Variants in MAGEC3 observed in about 807,000 individuals in gnomAD.
MAGEC3 encodes MAGE family member C3.
Under a neutral mutation model 35.3 loss-of-function variants are expected in MAGEC3, and 34 were observed. The observed-to-expected ratio is 0.96, with a 90% CI of 0.73 to 1.28. The LOEUF is 1.28. Ranked by LOEUF, MAGEC3 falls within the 50% of genes most tolerant of loss-of-function variation. The pLI, the probability that MAGEC3 is intolerant of heterozygous loss-of-function variation, is 0.00. For synonymous variants in MAGEC3, 202 were observed against 185.6 expected, an observed-to-expected ratio of 1.09 and a Z score of -0.72; for missense variants, 561 against 483.6, an observed-to-expected ratio of 1.16 and a Z score of -1.50.
chrX:141,841,287 T>C (rs779430215), intron 1 of MAGEC3, among the ~76,000 whole-genome samples: 23 of 111,848 alleles, frequency 2.1e-4, no homozygotes, highest in Admixed American at 1.6e-3. Context: ...TCCAAACAAA[T>C]TGCATCTTCT....
At chrX:141,861,004 T>C (rs112129298) in intron 1 of MAGEC3, among the ~76,000 whole-genome samples, 3,751 of 111,531 alleles carry the variant, frequency 0.034, 165 homozygotes, top group African/African-American at 0.12. Context: ...TTATATATAT[T>C]TCACCATAAT....
chrX:141,889,279 G>T (rs1481883503), intron 4 of MAGEC3, among the ~76,000 whole-genome samples: 1 of 111,533 alleles, frequency 9.0e-6, no homozygotes, highest in East Asian at 2.8e-4. Flanking sequence ...ATATGGTATT[G>T]TTTCTCCCAT....
At chrX:141,883,739 TA>T (rs2017982595) in intron 4 of MAGEC3, among the ~76,000 whole-genome samples, 1 of 113,067 alleles carries the variant, frequency 8.8e-6, no homozygotes, top group South Asian at 3.6e-4. Context: ...GTATATGAGA[TA>T]AAATTTTGGA....
chrX:141,897,122 C>T lies in MAGEC3; in HGVS notation c.1364C>T (p.Ala455Val), dbSNP rs1373460046. The T allele has an allele frequency of 1.7e-5, 20 of 1,209,914 alleles. No individual in the cohort carries two copies. The highest frequency in any genetic ancestry group is 2.1e-5 in the Non-Finnish European group (19 of 895,155). ...LPESESLPRY[A>V]LDEKVAELVQ... ...GAAAGTGAATCCTTGCCCAGGTATG[C>T]CCTGGATGAAAAGGTGGCTGAGTTG... Residue 455 changes from alanine (A) to valine (V), a missense_variant, in exon 7 of 8, where the codon GCC (alanine) becomes GTC (valine). Ala to Val is a moderately conservative substitution (Grantham distance 64, BLOSUM62 0). Coordinates refer to ENST00000298296, the MANE Select transcript of MAGEC3 (RefSeq NM_138702.1).
chrX:141,866,704 G>A (rs1404376815), intron 2 of MAGEC3, among the ~76,000 whole-genome samples: 2 of 112,190 alleles, frequency 1.8e-5, no homozygotes, highest in Admixed American at 1.9e-4. Context: ...TAAGTAAAAT[G>A]AAGTAACACA....
chrX:141,897,807 T>C lies in MAGEC3; in HGVS notation c.1907T>C (p.Met636Thr), dbSNP rs1188700315. 1.7e-6 allele frequency: 2 copies of C among 1,197,914 alleles called. No individual in the cohort carries two copies. Among genetic ancestry groups the C allele is most frequent in the South Asian group, 1.9e-5 (1 of 53,671 alleles). ...ATGGCCAGTGCAAGCCCCAGTGTCA[T>C]GTCCACCAACTTCTGTCCTGAGTGA... The part of the protein sequence containing the change: ...TAMASASPSV[M>T]STNFCPE Residue 636 changes from methionine to threonine, a missense_variant, in exon 8 of 8, where the codon ATG becomes ACG. Physicochemically the swap from Met to Thr is moderately conservative, Grantham distance 81 (BLOSUM62 -1). Transcript: ENST00000298296.
chrX:141,892,981 G>A (rs1262771672), intron 4 of MAGEC3, among the ~76,000 whole-genome samples: 1 of 112,128 alleles, frequency 8.9e-6, no homozygotes, highest in African/African-American at 3.2e-5. Flanking sequence ...TGCACAAAAC[G>A]CTGAAAACCC....
chrX:141,872,850 C>T (rs1027624578), intron 2 of MAGEC3, among the ~76,000 whole-genome samples: 1 of 111,855 alleles, frequency 8.9e-6, no homozygotes, highest in African/African-American at 3.3e-5. Context: ...GTTAGTTGTC[C>T]TCCTCACGCA....
At chrX:141,853,178 A>G (rs991362966) in intron 1 of MAGEC3, among the ~76,000 whole-genome samples, 1 of 111,503 alleles carries the variant, frequency 9.0e-6, no homozygotes, top group Admixed American at 9.6e-5. Flanking sequence ...GCCTTTTAAA[A>G]AGAGGGAAAC....
intron 2 of MAGEC3, among the ~76,000 whole-genome samples, chrX:141,875,964 C>G (rs940696944): frequency 3.6e-5 from 4 of 111,893 alleles, no homozygotes; most frequent in Non-Finnish European, 5.6e-5. Context: ...TGAGTTGATC[C>G]TGGCCATAGT....
intron 6 of MAGEC3, 162 bp from the exon 7 acceptor site, chrX:141,896,720 A>C (rs1232422574): frequency 2.7e-5 from 33 of 1,209,961 alleles, no homozygotes; most frequent in African/African-American, 3.5e-5. Flanking sequence ...AGTGTGACAG[A>C]GGACTTGGTA....
At chrX:141,851,783 A>C (rs1295300498) in intron 1 of MAGEC3, among the ~76,000 whole-genome samples, 1 of 111,391 alleles carries the variant, frequency 9.0e-6, no homozygotes, top group Admixed American at 9.6e-5. Context: ...GAACTCTTCT[A>C]TTCCATTGAT....
At chrX:141,895,682 C>T in intron 6 of MAGEC3, 123 bp downstream of exon 6, 1 of 469,856 alleles carries the variant, frequency 2.1e-6, no homozygotes, top group East Asian at 6.4e-5. Flanking sequence ...TAGAGCTCCT[C>T]AGTCAGCTCA....
At chrX:141,846,616 T>G (rs2017718410) in intron 1 of MAGEC3, among the ~76,000 whole-genome samples, 1 of 111,117 alleles carries the variant, frequency 9.0e-6, no homozygotes, top group African/African-American at 3.3e-5. Context: ...CCCCCCAAGA[T>G]GGTAACAAAA....
chrX:141,845,882 T>G (rs897063756), intron 1 of MAGEC3, among the ~76,000 whole-genome samples: 4 of 111,027 alleles, frequency 3.6e-5, no homozygotes, highest in African/African-American at 1.3e-4. Context: ...TTTTCTGCAC[T>G]TAAGTGCCCT....
chrX:141,840,007 A>T, intron 1 of MAGEC3: 1 of 752,518 alleles, frequency 1.3e-6, no homozygotes, highest in Non-Finnish European at 1.6e-6. Flanking sequence ...AACTCTAAAA[A>T]TGATTCACTT....
chrX:141,862,258 C>G (rs184852986), intron 1 of MAGEC3, among the ~76,000 whole-genome samples: 24 of 110,985 alleles, frequency 2.2e-4, no homozygotes, highest in African/African-American at 7.2e-4. Flanking sequence ...AGGTAGAATG[C>G]CTATTATGAA....
chrX:141,882,015 A>G (rs1335651513), intron 4 of MAGEC3, among the ~76,000 whole-genome samples: 7 of 111,880 alleles, frequency 6.3e-5, no homozygotes, highest in African/African-American at 1.6e-4. Context: ...TTCCTTTCCA[A>G]TCTCTTCCAA....
In MAGEC3 at chrX:141,893,720, G is replaced by C. The variant is rs944222649; in HGVS notation, c.910-1549G>C. 2.8e-4 allele frequency among the ~76,000 whole-genome samples: 29 copies of C among 104,879 alleles called. 1 individual carries two copies. The highest frequency in any genetic ancestry group is 4.6e-4 in the South Asian group (1 of 2,155). The allele number at this position is 104,879 out of a possible 115,157, so 91.1% of individuals were successfully genotyped here. A position where few individuals can be genotyped will look rare whatever the true frequency, so the allele number is the denominator to read the frequency against. ...AGGGCAGGAGGGCAGGAATTGGGGG[G>C]GGGGGCGTAGATATGTGAGAACTCT... On this transcript the variant is annotated intron_variant, in intron 4 of 7. Transcript: ENST00000298296.
Sources: allele counts gnomAD v4.1 joint callset (sites outside exome capture counted in the v4.1 genomes callset), GRCh38; gene constraint gnomAD v4.1.1; transcripts MANE v1.5; gene names NCBI Gene and HGNC (gene_info 2026-07-23, HGNC 2026-07-21).